Variants in RYR2 observed in about 807,000 individuals in gnomAD.
RYR2 encodes cardiac muscle ryanodine receptor-calcium release channel.
Under a neutral mutation model 601.1 loss-of-function variants are expected in RYR2, and 227 were observed. The ratio of observed to expected loss-of-function variants is 0.38; its 90% confidence interval spans 0.34 to 0.42. RYR2 has a LOEUF of 0.42. RYR2 is among the 10% of genes least tolerant of loss of function. The probability of loss-of-function intolerance (pLI) is 1.00; values close to 1 mark genes in which losing one functional copy is unlikely to be tolerated. For missense variants in RYR2, 4,646 were observed against 6,156.5 expected (o/e 0.75, Z 8.21); for synonymous variants, 2,223 against 2,175.1 (o/e 1.02, Z -0.61).
chr1:237,343,309 G>A (rs779612587), intron 3 of RYR2, among the ~76,000 whole-genome samples: 4 of 151,974 alleles, frequency 2.6e-5, no homozygotes, highest in African/African-American at 7.2e-5. Context: ...TAAATAACAC[G>A]AGAGATCACA....
chr1:237,622,728 G>C (rs967817532), intron 38 of RYR2, among the ~76,000 whole-genome samples: 1 of 152,128 alleles, frequency 6.6e-6, no homozygotes, highest in South Asian at 2.1e-4. Flanking sequence ...GCACTGCCTT[G>C]GGTATTATAA....
intron 44 of RYR2, 108 bp from the exon 45 acceptor site, chr1:237,638,249 G>T: frequency 6.8e-7 from 1 of 1,463,204 alleles, no homozygotes; most frequent in Admixed American, 2.3e-5. Flanking sequence ...TTGCAAAAAT[G>T]CATTTGTTTA....
intron 100 of RYR2, among the ~76,000 whole-genome samples, chr1:237,815,302 T>A (rs1352478688): frequency 6.6e-6 from 1 of 152,166 alleles, no homozygotes; most frequent in Non-Finnish European, 1.5e-5. Context: ...ATAAAAGGAT[T>A]TTCAGTTGCA....
chr1:237,724,184 C>CATATATATATAT lies in RYR2; in HGVS notation c.10689+945_10689+956dup, dbSNP rs35705894. 4.1e-3 allele frequency among the ~76,000 whole-genome samples: 555 copies of CATATATATATAT among 136,890 alleles called. 2 individuals carry two copies. Among genetic ancestry groups the CATATATATATAT allele is most frequent in the South Asian group, 5.9e-3 (25 of 4,202 alleles). The allele number at this position is 136,890 out of a possible 152,430, so 89.8% of individuals were successfully genotyped here. ...TGCCACCTAAATGTATGTGTGTGTGCATATATATATATATATATATATATA... is the reference window on the plus strand; with the variant it reads ...TGCCACCTAAATGTATGTGTGTGTGCATATATATATATATATATATATATATATATATATATA... On this transcript the variant is annotated intron_variant, in intron 74 of 104. Transcript: ENST00000366574.
intron 10 of RYR2, among the ~76,000 whole-genome samples, chr1:237,415,429 A>C (rs998285486): frequency 3.9e-5 from 6 of 152,206 alleles, no homozygotes; most frequent in Non-Finnish European, 8.8e-5. Flanking sequence ...TAACTGATTA[A>C]ATTTTATCTA....
At chr1:237,516,943 C>T (rs1238543867) in intron 24 of RYR2, among the ~76,000 whole-genome samples, 1 of 152,176 alleles carries the variant, frequency 6.6e-6, no homozygotes, top group Non-Finnish European at 1.5e-5. Flanking sequence ...CTTTATTCTG[C>T]ACACAGCAGC....
chr1:237,334,519 T>A (rs1357661249), intron 3 of RYR2, among the ~76,000 whole-genome samples: 1 of 151,862 alleles, frequency 6.6e-6, no homozygotes, highest in Non-Finnish European at 1.5e-5. Context: ...CATTTAGCTT[T>A]TATTCTTATT....
chr1:237,614,777 C>T lies in RYR2; in HGVS notation c.5649C>T (p.Ala1883=), dbSNP rs755743069. Reference sequence around the variant, plus strand: ...TGCAAGGAGCTGGTGAGGAAGAAGCCAAGGGGGGCAAGCGGCCCAAGGAAG... The same window carrying T: ...TGCAAGGAGCTGGTGAGGAAGAAGCTAAGGGGGGCAAGCGGCCCAAGGAAG... ...AKLQGAGEEE[A]KGGKRPKEGL... The change falls in exon 37 of 105, where the codon GCC becomes GCT. Residue 1883 remains alanine (A), a synonymous_variant. Coordinates refer to ENST00000366574, the MANE Select transcript of RYR2 (RefSeq NM_001035.3). The surrounding 1 kb of genome is among the most constrained non-coding windows in gnomAD (Gnocchi z 4.3). 6.2e-7 allele frequency: 1 copy of T among 1,610,538 alleles called. No homozygotes were observed.
intron 101 of RYR2, among the ~76,000 whole-genome samples, chr1:237,820,972 G>T (rs974090820): frequency 7.9e-5 from 12 of 152,182 alleles, no homozygotes; most frequent in African/African-American, 2.9e-4. Flanking sequence ...TGCCTCTCTA[G>T]ATTCCTCCTC....
At chr1:237,270,691 T>G in intron 2 of RYR2, 75 bp downstream of exon 2, 1 of 1,451,588 alleles carries the variant, frequency 6.9e-7, no homozygotes. Flanking sequence ...ATGAGCTCTC[T>G]ACTATTTTCT....
intron 1 of RYR2, among the ~76,000 whole-genome samples, chr1:237,134,651 G>A (rs1176595262): frequency 6.6e-6 from 1 of 152,160 alleles, no homozygotes; most frequent in Non-Finnish European, 1.5e-5. Context: ...ATATCAATCA[G>A]TTTGTCTGAT....
chr1:237,488,657 C>T (rs916589490), intron 17 of RYR2, among the ~76,000 whole-genome samples: 2 of 152,186 alleles, frequency 1.3e-5, no homozygotes, highest in Non-Finnish European at 2.9e-5. Flanking sequence ...GTGATTTGCT[C>T]CTGTCCCACC....
At chr1:237,139,154 G>A (rs2148746668) in intron 1 of RYR2, among the ~76,000 whole-genome samples, 1 of 152,304 alleles carries the variant, frequency 6.6e-6, no homozygotes, top group South Asian at 2.1e-4. Flanking sequence ...GAGTGGATGA[G>A]CATGATATGC....
At position 237,640,898 on chromosome 1, in the gene RYR2, G is replaced by T. The variant is rs397516548; in HGVS notation, c.7117G>T (p.Asp2373Tyr). The T allele has an allele frequency of 3.7e-6, 6 of 1,611,968 alleles. No individual in the cohort carries two copies. The highest frequency in any genetic ancestry group is 4.2e-6 in the Non-Finnish European group (5 of 1,178,958). The change falls in exon 47 of 105, where the codon GAC becomes TAC. Residue 2373 changes from aspartate (D) to tyrosine (Y), a missense_variant and splice_region_variant. This residue lies in a region of RYR2 where 1,497 missense variants were observed against 1,842.6 expected (regional missense o/e 0.81). Transcript: ENST00000366574. ...SPNSGSSKTLDTEEEEDDTIH... is the reference protein window; with the variant it reads ...SPNSGSSKTLYTEEEEDDTIH... ...TTTCTTTTGAAACATTCATGAAAGTGACACAGAGGAGGAGGAAGATGACAC... is the reference window on the plus strand; with the variant it reads ...TTTCTTTTGAAACATTCATGAAAGTTACACAGAGGAGGAGGAAGATGACAC...
chr1:237,711,703 CT>C, intron 70 of RYR2, 41 bp from the exon 71 acceptor site: 1 of 1,022,782 alleles, frequency 9.8e-7, no homozygotes, highest in Non-Finnish European at 1.5e-6. Context: ...ACAAAGACTT[CT>C]TTAAGTGGTT....
chr1:237,232,132 A>C (rs1044171375), intron 1 of RYR2, among the ~76,000 whole-genome samples: 1 of 152,198 alleles, frequency 6.6e-6, no homozygotes, highest in Admixed American at 6.5e-5. Flanking sequence ...AAATCCTTAG[A>C]ATCTCCAAAG....
At chr1:237,517,803 C>T (rs1241263400) in intron 24 of RYR2, among the ~76,000 whole-genome samples, 1 of 152,114 alleles carries the variant, frequency 6.6e-6, no homozygotes, top group African/African-American at 2.4e-5. Flanking sequence ...CATTATCACC[C>T]AAAGTCCACA....
At chr1:237,697,434 A>C (rs978182353) in intron 63 of RYR2, among the ~76,000 whole-genome samples, 14 of 142,812 alleles carry the variant, frequency 9.8e-5, no homozygotes, top group African/African-American at 2.8e-4. Flanking sequence ...ATAATTATAT[A>C]ATATATATTT....
At chr1:237,191,883 A>G (rs1680004038) in intron 1 of RYR2, among the ~76,000 whole-genome samples, 1 of 152,190 alleles carries the variant, frequency 6.6e-6, no homozygotes, top group Admixed American at 6.5e-5. Flanking sequence ...TACTTGCCAA[A>G]TAATATTTGC....
Sources: gnomAD v4.1 joint callset for allele counts (sites outside exome capture counted in the v4.1 genomes callset) on GRCh38, gnomAD v4.1.1 for gene constraint, gnomAD v4.1.1 regional missense constraint, Gnocchi (gnomAD v3.1) non-coding constraint, MANE v1.5 for transcripts, NCBI Gene and HGNC (gene_info 2026-07-23, HGNC 2026-07-21) for gene names.